The following NUDT4 variants were observed in gnomAD, a reference collection of about 807,000 sequenced individuals.
NUDT4 encodes the protein nudix hydrolase 4.
NUDT4 carries 5 observed loss-of-function variants against 23.1 expected under a neutral mutation model. The ratio of observed to expected loss-of-function variants is 0.22; its 90% CI spans 0.11 to 0.46. The LOEUF is 0.46. NUDT4 is among the 20% of genes least tolerant of loss of function. NUDT4 has a pLI of 0.99. For synonymous variants in NUDT4, 50 were observed against 79.0 expected, an observed-to-expected ratio of 0.63 and a Z score of 1.95; for missense variants, 96 against 211.6, an observed-to-expected ratio of 0.45 and a Z score of 3.39.
intron 3 of NUDT4, among the ~76,000 whole-genome samples, chr12:93,396,411 A>G (rs544507355): frequency 6.6e-6 from 1 of 152,348 alleles, no homozygotes; most frequent in African/African-American, 2.4e-5. Context: ...GGAGGTCCAG[A>G]TGTATCTTCA....
At chr12:93,389,387 G>T (rs1249409532) in intron 1 of NUDT4, among the ~76,000 whole-genome samples, 1 of 151,674 alleles carries the variant, frequency 6.6e-6, no homozygotes, top group Non-Finnish European at 1.5e-5. Context: ...CAGGAGAATC[G>T]CTTGAACCGG....
At chr12:93,394,544 A>C in intron 1 of NUDT4, 65 bp from the exon 2 acceptor site, 1 of 889,232 alleles carries the variant, frequency 1.1e-6, no homozygotes, top group Admixed American at 2.1e-5. Context: ...CAGAGGTTTG[A>C]GAATGTTGTT....
intron 1 of NUDT4, among the ~76,000 whole-genome samples, chr12:93,389,761 CA>C (rs1876355986): frequency 1.3e-5 from 2 of 151,666 alleles, no homozygotes; most frequent in Admixed American, 6.6e-5. Context: ...ATGAGCTGGG[CA>C]TGGTGGTGGG....
intron 3 of NUDT4, among the ~76,000 whole-genome samples, chr12:93,396,522 A>G (rs1409386758): frequency 6.6e-6 from 1 of 152,190 alleles, no homozygotes; most frequent in Non-Finnish European, 1.5e-5. Context: ...TAGTAGAACC[A>G]TATAAATTTT....
chr12:93,394,513 T>C, intron 1 of NUDT4, 96 bp from the exon 2 acceptor site: 1 of 634,702 alleles, frequency 1.6e-6, no homozygotes, highest in East Asian at 2.8e-5. Context: ...TATTTTAATC[T>C]AGAATAGAGT....
chr12:93,389,675 G>A (rs932631534), intron 1 of NUDT4, among the ~76,000 whole-genome samples: 1 of 151,930 alleles, frequency 6.6e-6, no homozygotes, highest in African/African-American at 2.4e-5. Context: ...GGCCGAGGCA[G>A]GTGGATCACG....
rs1171701254 is a variant in NUDT4 at position 93,394,710 on chromosome 12, TTA to T, written c.203_204del (p.Tyr68Ter). 6.5e-7 allele frequency: 1 copy of T among 1,543,406 alleles called. No homozygotes were observed. The highest frequency in any genetic ancestry group is 2.0e-5 in the Admixed American group (1 of 51,130). On this transcript the variant is annotated frameshift_variant, in exon 2 of 5. Coordinates refer to ENST00000415493, the MANE Select transcript of NUDT4 (RefSeq NM_019094.6). LOFTEE classifies it high-confidence loss of function. ...EPGGAAVREV[Y>X]EEAGVKGKLG... is the part of the protein sequence containing the mutation. ...CTGGCGGTGCTGCCGTGAGGGAAGT[TTA>T]TGAGGAGGTGAGATGTTCTTTCACA...
At chr12:93,379,005 T>TAA (rs919403215) in intron 1 of NUDT4, among the ~76,000 whole-genome samples, 1 of 152,174 alleles carries the variant, frequency 6.6e-6, no homozygotes, top group African/African-American at 2.4e-5. Context: ...CTTCCCTTCT[T>TAA]AAAGTTTTCT....
Position 93,406,127 on chromosome 12 carries a change from G to A in NUDT4, c.*6748G>A, listed in dbSNP as rs1877798387. 6.6e-6 allele frequency: 1 copy of A among 151,976 alleles called. No homozygotes were observed. The highest frequency in any genetic ancestry group is 6.6e-5 in the Admixed American group (1 of 15,248). The allele number at this position is 151,976 out of a possible 1,614,324, so 9.4% of individuals were successfully genotyped here. A position where few individuals can be genotyped will look rare whatever the true frequency, so the allele number is the denominator to read the frequency against. ...ACTAAAAATACAAAAAATTAGCCAG[G>A]TGTGGTGGCAGGTGTCTGTAGTCCC... On this transcript the variant is annotated 3_prime_UTR_variant, in exon 5 of 5. Transcript: ENST00000415493.
intron 1 of NUDT4, among the ~76,000 whole-genome samples, chr12:93,386,822 C>T (rs1876136038): frequency 6.6e-6 from 1 of 152,018 alleles, no homozygotes; most frequent in Non-Finnish European, 1.5e-5. Flanking sequence ...AATCTTTTGT[C>T]TAGGTTGGAA....
At chr12:93,390,145 C>T (rs746846776) in intron 1 of NUDT4, among the ~76,000 whole-genome samples, 1 of 152,098 alleles carries the variant, frequency 6.6e-6, no homozygotes, top group Admixed American at 6.6e-5. Context: ...ACTTTTCAGG[C>T]GGCTAGCCAC....
Position 93,406,335 on chromosome 12 carries a change from G to C in NUDT4, c.*6956G>C, listed in dbSNP as rs1170722018. 1 of 137,414 alleles carries C rather than the reference G, an allele frequency of 7.3e-6. No individual in the cohort carries two copies. Among genetic ancestry groups the C allele is most frequent in the African/African-American group, 2.8e-5 (1 of 36,144 alleles). The allele number at this position is 137,414 out of a possible 1,614,324, so 8.5% of individuals were successfully genotyped here. On this transcript the variant is annotated 3_prime_UTR_variant, in exon 5 of 5. Transcript: ENST00000415493. ...CCTGAACCATTCAACAGAAAAATGA[G>C]GCCTATTCCTATCATTTCCTCGATC...
rs371683658 is a variant in NUDT4 at position 93,385,941 on chromosome 12, T to TTATATATA, written c.99+7543_99+7550dup. Among the ~76,000 whole-genome samples, 33 of 104,596 alleles carry TTATATATA rather than the reference T, an allele frequency of 3.2e-4. 1 individual carries two copies. Among genetic ancestry groups the TTATATATA allele is most frequent in the East Asian group, 2.0e-3 (6 of 2,964 alleles). The allele number at this position is 104,596 out of a possible 152,430, so 68.6% of individuals were successfully genotyped here. A position where few individuals can be genotyped will look rare whatever the true frequency, so the allele number is the denominator to read the frequency against. On this transcript the variant is annotated intron_variant, in intron 1 of 4. Transcript: ENST00000415493. Reference sequence around the variant, plus strand: ...ATATATATATATATAGTAAATCTTTTTATATATATATATATATATATATAT... The same window carrying TTATATATA: ...ATATATATATATATAGTAAATCTTTTTATATATATATATATATATATATATATATATAT...
rs1467154334 is a variant in NUDT4, at chr12:93,408,109, A to G, written c.*8730A>G. 1 of 152,224 alleles carries G rather than the reference A, an allele frequency of 6.6e-6. No homozygotes were observed. Among genetic ancestry groups the G allele is most frequent in the East Asian group, 1.9e-4 (1 of 5,200 alleles). The allele number at this position is 152,224 out of a possible 1,614,324, so 9.4% of individuals were successfully genotyped here. ...ACTAGCTATAACCATGAGCAATATT[A>G]CGGGCAGTAAATGTTGATTTCTATT... is the stretch of plus-strand genomic sequence containing the variant. On this transcript the variant is annotated 3_prime_UTR_variant, in exon 5 of 5. Transcript: ENST00000415493.
chr12:93,401,922 ATTTTTTT>A lies in NUDT4; in HGVS notation c.*2555_*2561del, dbSNP rs746372735. The A allele has an allele frequency of 3.2e-5, 3 of 92,774 alleles. No homozygotes were observed. The highest frequency in any genetic ancestry group is 1.2e-4 in the Admixed American group (1 of 8,062). 5.7% of individuals were successfully genotyped at this position (92,774 alleles called of 1,614,324 possible). ...CAGAGTGTTGGGACTGTCATTTGTG[ATTTTTTT>A]TTTTTTTTTTTGGTGGGGTAGTTGA... On this transcript the variant is annotated 3_prime_UTR_variant, in exon 5 of 5. Transcript: ENST00000415493.
In NUDT4 at chr12:93,405,546, G is replaced by A. The variant is rs1181548096; in HGVS notation, c.*6167G>A. 1 of 147,328 alleles carries A rather than the reference G, an allele frequency of 6.8e-6. No individual in the cohort carries two copies. The highest frequency in any genetic ancestry group is 2.6e-5 in the African/African-American group (1 of 38,734). 9.1% of individuals were successfully genotyped at this position (147,328 alleles called of 1,614,324 possible). On this transcript the variant is annotated 3_prime_UTR_variant, in exon 5 of 5. Transcript: ENST00000415493. The stretch of plus-strand genomic sequence containing the variant: ...ATTCCACACAAGAGGAAAAATTTTA[G>A]TCCAGCTCCCAGCATGGCAGCTAAT...
intron 3 of NUDT4, among the ~76,000 whole-genome samples, chr12:93,396,327 T>C (rs910067817): frequency 1.3e-5 from 2 of 152,164 alleles, no homozygotes; most frequent in African/African-American, 4.8e-5. Context: ...TATTCTCTTA[T>C]TACTGAAGGC....
intron 1 of NUDT4, among the ~76,000 whole-genome samples, chr12:93,382,284 A>G (rs1875722590): frequency 6.6e-6 from 1 of 151,120 alleles, no homozygotes; most frequent in Admixed American, 6.6e-5. Context: ...AAAAAAAACA[A>G]CAAAAAAAAC....
chr12:93,380,051 T>TG (rs1257490595), intron 1 of NUDT4, among the ~76,000 whole-genome samples: 10 of 152,192 alleles, frequency 6.6e-5, no homozygotes, highest in African/African-American at 2.4e-4. Context: ...AGGAGACAGT[T>TG]GCAGAGCATA....
Sources: allele counts gnomAD v4.1 joint callset (sites outside exome capture counted in the v4.1 genomes callset), GRCh38; gene constraint gnomAD v4.1.1; transcripts MANE v1.5; gene names NCBI Gene and HGNC (gene_info 2026-07-23, HGNC 2026-07-21).